The following MSRA variants were observed in gnomAD, a reference collection of about 807,000 sequenced individuals.
MSRA encodes the protein methionine sulfoxide reductase A.
MSRA carries 54 observed loss-of-function variants against 31.3 expected under a neutral mutation model. The observed-to-expected ratio is 1.73, with a 90% CI of 1.39 to 2.17. MSRA has a LOEUF of 2.17. Among genes scored for constraint, MSRA ranks in the 30% most tolerant of loss-of-function variants. MSRA has a pLI of 0.00. For missense variants in MSRA, 507 were observed against 300.9 expected, an observed-to-expected ratio of 1.69 and a Z score of -5.07; for synonymous variants, 169 against 116.5, an observed-to-expected ratio of 1.45 and a Z score of -2.90.
intron 4 of MSRA, among the ~76,000 whole-genome samples, chr8:10,306,363 A>G (rs1801139578): frequency 6.6e-6 from 1 of 152,180 alleles, no homozygotes; most frequent in African/African-American, 2.4e-5. Context: ...TATTGTTGTT[A>G]CGTCTTTTTC....
At chr8:10,165,073 C>A (rs1805003356) in intron 1 of MSRA, among the ~76,000 whole-genome samples, 1 of 152,104 alleles carries the variant, frequency 6.6e-6, no homozygotes, top group Non-Finnish European at 1.5e-5. Flanking sequence ...CCAATTAAAT[C>A]AGACTCTTGG....
At chr8:10,275,947 A>C (rs1002290672) in intron 3 of MSRA, among the ~76,000 whole-genome samples, 4 of 152,218 alleles carry the variant, frequency 2.6e-5, no homozygotes, top group African/African-American at 9.6e-5. Context: ...ATTGCTCATG[A>C]AAAGTGAAAT....
chr8:10,330,006 ATGTGTGTGTGTGTGTG>A (rs72198519), intron 5 of MSRA, among the ~76,000 whole-genome samples: 12 of 135,378 alleles, frequency 8.9e-5, no homozygotes, highest in Admixed American at 2.3e-4. Context: ...AGAGAAAAAA[ATGTGTGTGTGTGTGTG>A]TGTGTGTGTG....
At chr8:10,125,654 T>C (rs1801447651) in intron 1 of MSRA, among the ~76,000 whole-genome samples, 1 of 152,198 alleles carries the variant, frequency 6.6e-6, no homozygotes, top group South Asian at 2.1e-4. Context: ...ACAGAGATGT[T>C]CTGTGTTGGT....
intron 3 of MSRA, among the ~76,000 whole-genome samples, chr8:10,279,342 G>A (rs1053887831): frequency 3.3e-5 from 5 of 152,160 alleles, no homozygotes; most frequent in African/African-American, 1.2e-4. Flanking sequence ...TTTGGACATT[G>A]ATTTTAGAAA....
intron 5 of MSRA, among the ~76,000 whole-genome samples, chr8:10,425,108 T>C (rs1022928784): frequency 1.6e-4 from 24 of 152,170 alleles, no homozygotes; most frequent in African/African-American, 5.5e-4. Context: ...GCACCTAGTC[T>C]CTTTTTTGTC....
At chr8:10,403,209 C>T (rs1230372053) in intron 5 of MSRA, among the ~76,000 whole-genome samples, 1 of 152,172 alleles carries the variant, frequency 6.6e-6, no homozygotes, top group Non-Finnish European at 1.5e-5. Context: ...AACTTGGCAC[C>T]TGAGACTAAC....
At chr8:10,193,561 A>G (rs1807715476) in intron 1 of MSRA, among the ~76,000 whole-genome samples, 1 of 152,216 alleles carries the variant, frequency 6.6e-6, no homozygotes, top group African/African-American at 2.4e-5. Context: ...TAGTGAAGTC[A>G]GGCACCCAGC....
At chr8:10,356,046 C>T (rs141639104) in intron 5 of MSRA, among the ~76,000 whole-genome samples, 3 of 152,154 alleles carry the variant, frequency 2.0e-5, no homozygotes, top group Non-Finnish European at 4.4e-5. Context: ...GCTGTGCCAT[C>T]GACCTGAAGG....
intron 2 of MSRA, among the ~76,000 whole-genome samples, chr8:10,234,083 A>ATATCT (rs1811730020): frequency 6.6e-6 from 1 of 152,176 alleles, no homozygotes; most frequent in Admixed American, 6.5e-5. Context: ...TAGACATAAT[A>ATATCT]GAAATATTTC....
chr8:10,219,239 C>T (rs958509634), intron 2 of MSRA, among the ~76,000 whole-genome samples: 9 of 152,198 alleles, frequency 5.9e-5, no homozygotes, highest in Non-Finnish European at 1.2e-4. Context: ...CGCTTTTTCA[C>T]GCCTCTGCTT....
At chr8:10,206,973 A>G (rs1469564668) in intron 1 of MSRA, among the ~76,000 whole-genome samples, 3 of 152,190 alleles carry the variant, frequency 2.0e-5, no homozygotes, top group Non-Finnish European at 2.9e-5. Context: ...GACCCATTAC[A>G]TCAAAGCGTC....
intron 1 of MSRA, among the ~76,000 whole-genome samples, chr8:10,094,791 T>G (rs1044479028): frequency 2.0e-5 from 3 of 152,250 alleles, no homozygotes; most frequent in Non-Finnish European, 4.4e-5. Flanking sequence ...TTATTTATGC[T>G]TATTATATTG....
chr8:10,185,230 A>G (rs1806916430), intron 1 of MSRA, among the ~76,000 whole-genome samples: 1 of 152,180 alleles, frequency 6.6e-6, no homozygotes, highest in African/African-American at 2.4e-5. Flanking sequence ...GGGGCATTTC[A>G]TCAGTATGCA....
intron 1 of MSRA, among the ~76,000 whole-genome samples, chr8:10,152,673 A>G (rs1803804868): frequency 6.6e-6 from 1 of 152,190 alleles, no homozygotes; most frequent in Non-Finnish European, 1.5e-5. Flanking sequence ...AGAAAGAGGA[A>G]GCGCTGCCCA....
chr8:10,324,139 G>T (rs1391523745), intron 5 of MSRA, among the ~76,000 whole-genome samples: 1 of 152,204 alleles, frequency 6.6e-6, no homozygotes, highest in Non-Finnish European at 1.5e-5. Flanking sequence ...CTGTCCAGTG[G>T]AGGGCCTCTG....
intron 2 of MSRA, among the ~76,000 whole-genome samples, chr8:10,212,336 G>A (rs867004408): frequency 6.6e-6 from 1 of 152,126 alleles, no homozygotes; most frequent in Non-Finnish European, 1.5e-5. Flanking sequence ...AGGCAATTAG[G>A]ATATAATGTC....
intron 1 of MSRA, among the ~76,000 whole-genome samples, chr8:10,198,893 G>T (rs573905029): frequency 3.9e-5 from 6 of 152,284 alleles, no homozygotes; most frequent in African/African-American, 1.4e-4. Flanking sequence ...CAATTAGATT[G>T]TAGCGTTTCA....
At chr8:10,119,315 A>G (rs969049560) in intron 1 of MSRA, among the ~76,000 whole-genome samples, 1 of 152,210 alleles carries the variant, frequency 6.6e-6, no homozygotes, top group African/African-American at 2.4e-5. Context: ...CTTTTGTTGA[A>G]TAAGATGATG....
Sources: allele counts gnomAD v4.1 joint callset (sites outside exome capture counted in the v4.1 genomes callset), GRCh38; gene constraint gnomAD v4.1.1; transcripts MANE v1.5; gene names NCBI Gene and HGNC (gene_info 2026-07-23, HGNC 2026-07-21).